UBE2W: variants seen among roughly 807,000 people sequenced by gnomAD.
UBE2W encodes ubiquitin conjugating enzyme E2 W.
In UBE2W, 18 loss-of-function variants were observed where a neutral mutation model predicts 27.2. That is an observed-to-expected ratio of 0.66 (90% CI 0.46 to 0.98). The LOEUF (loss-of-function observed/expected upper bound fraction) is 0.98, where lower values mean the gene tolerates loss of function less well. UBE2W is among the 50% of genes least tolerant of loss of function. UBE2W has a pLI of 0.00. For synonymous variants in UBE2W, 53 were observed against 57.2 expected (o/e 0.93, Z 0.33); for missense variants, 90 against 180.2 (o/e 0.50, Z 2.87).
rs1162712227 is a variant in UBE2W, at chr8:73,805,454, C to CAAAAAAAAAAAAAAAAAAAA, written c.442+196_442+197insTTTTTTTTTTTTTTTTTTTT. 1.7e-3 allele frequency among the ~76,000 whole-genome samples: 25 copies of CAAAAAAAAAAAAAAAAAAAA among 14,572 alleles called. 2 individuals carry two copies. The highest frequency in any genetic ancestry group is 5.6e-3 in the Admixed American group (4 of 718). 9.6% of individuals were successfully genotyped at this position (14,572 alleles called of 152,430 possible). On this transcript the variant is annotated intron_variant, in intron 5 of 5. Coordinates refer to ENST00000602593, the MANE Select transcript of UBE2W (RefSeq NM_018299.6). ...GGGCAACAAGAGCAAAACTCCATCT[C>CAAAAAAAAAAAAAAAAAAAA]AAAAAAAAAAAAAAAAACAAAAAAA...
chr8:73,833,285 T>C (rs528370318), intron 1 of UBE2W, among the ~76,000 whole-genome samples: 1 of 151,416 alleles, frequency 6.6e-6, no homozygotes, highest in East Asian at 1.9e-4. Flanking sequence ...AGTAACCCTT[T>C]ATGCAAAAAG....
intron 5 of UBE2W, among the ~76,000 whole-genome samples, chr8:73,800,226 A>G (rs1808581744): frequency 6.6e-6 from 1 of 152,246 alleles, no homozygotes; most frequent in African/African-American, 2.4e-5. Context: ...TAGTTGGATG[A>G]CAGAACAGCT....
At chr8:73,794,875 A>G (rs1808347263) in intron 5 of UBE2W, among the ~76,000 whole-genome samples, 1 of 150,518 alleles carries the variant, frequency 6.6e-6, no homozygotes, top group African/African-American at 2.4e-5. Flanking sequence ...AAAAAGAAAA[A>G]AAAAAAAAGA....
chr8:73,865,970 A>G (rs145372438), intron 1 of UBE2W, among the ~76,000 whole-genome samples: 15 of 152,226 alleles, frequency 9.9e-5, no homozygotes, highest in African/African-American at 3.6e-4. Context: ...AAAGGCTTAT[A>G]GGTGAACACA....
intron 1 of UBE2W, among the ~76,000 whole-genome samples, chr8:73,875,302 T>C (rs1412775405): frequency 6.6e-6 from 1 of 152,110 alleles, no homozygotes; most frequent in East Asian, 1.9e-4. Flanking sequence ...CATGAGGTGC[T>C]GCCTGCCAGG....
chr8:73,822,002 C>T (rs566370900), intron 3 of UBE2W, among the ~76,000 whole-genome samples: 7 of 152,298 alleles, frequency 4.6e-5, no homozygotes, highest in African/African-American at 1.7e-4. Flanking sequence ...CTATCTTTAA[C>T]CTCCTTGTTA....
intron 1 of UBE2W, among the ~76,000 whole-genome samples, chr8:73,856,093 G>A (rs571742476): frequency 6.6e-6 from 1 of 151,936 alleles, no homozygotes; most frequent in East Asian, 1.9e-4. Context: ...CAACTATAAT[G>A]GTTTAAAATG....
At chr8:73,868,101 G>A (rs1811854602) in intron 1 of UBE2W, among the ~76,000 whole-genome samples, 1 of 152,200 alleles carries the variant, frequency 6.6e-6, no homozygotes, top group African/African-American at 2.4e-5. Context: ...ACTGGTGGCT[G>A]GGGGCTCCTG....
At chr8:73,801,047 G>A (rs977383158) in intron 5 of UBE2W, among the ~76,000 whole-genome samples, 13 of 152,026 alleles carry the variant, frequency 8.6e-5, no homozygotes, top group African/African-American at 1.2e-4. Flanking sequence ...CCAAGATGGC[G>A]CCACTGCACT....
chr8:73,860,735 G>A (rs1041619172), intron 1 of UBE2W, among the ~76,000 whole-genome samples: 2 of 151,948 alleles, frequency 1.3e-5, no homozygotes, highest in South Asian at 2.1e-4. Flanking sequence ...AGAGTGGAGG[G>A]GCTAACTAAA....
intron 1 of UBE2W, among the ~76,000 whole-genome samples, chr8:73,875,062 A>T (rs1360751857): frequency 3.3e-5 from 5 of 152,248 alleles, no homozygotes; most frequent in African/African-American, 1.2e-4. Context: ...GTTTCTTAAA[A>T]CATAATTTAA....
chr8:73,878,096 G>T (rs557432034), intron 1 of UBE2W, among the ~76,000 whole-genome samples: 1 of 152,208 alleles, frequency 6.6e-6, no homozygotes, highest in African/African-American at 2.4e-5. Flanking sequence ...AGGTTTAAGG[G>T]GGCTGAGGAC....
At chr8:73,875,684 G>A (rs976120046) in intron 1 of UBE2W, among the ~76,000 whole-genome samples, 8 of 152,036 alleles carry the variant, frequency 5.3e-5, no homozygotes, top group Non-Finnish European at 8.8e-5. Context: ...TTTCCTAATC[G>A]AAATCCCCAA....
At position 73,830,268 on chromosome 8, in the gene UBE2W, C is replaced by A. The variant is rs1211016237; in HGVS notation, c.107+113G>T. 5 of 742,928 alleles carry A rather than the reference C, an allele frequency of 6.7e-6. No homozygotes were observed. In the Admixed American group the frequency reaches 7.8e-5, roughly 12 times the overall value. 46.0% of individuals were successfully genotyped at this position (742,928 alleles called of 1,614,324 possible). ...GAATAAGATCTGTTTACTCTATTTACCTCTTGGTGAAAGAATGAAATGTGA... is the reference window on the plus strand; with the variant it reads ...GAATAAGATCTGTTTACTCTATTTAACTCTTGGTGAAAGAATGAAATGTGA... On this transcript the variant is annotated intron_variant, in intron 2 of 5. Transcript: ENST00000602593.
chr8:73,878,651 C>T (rs987934514), intron 1 of UBE2W, among the ~76,000 whole-genome samples, 157 bp downstream of exon 1: 1 of 152,300 alleles, frequency 6.6e-6, no homozygotes, highest in African/African-American at 2.4e-5. Context: ...CCGCCTCTTA[C>T]CCCTCCCCCG....
At chr8:73,857,838 A>T (rs1811368978) in intron 1 of UBE2W, among the ~76,000 whole-genome samples, 1 of 151,990 alleles carries the variant, frequency 6.6e-6, no homozygotes, top group East Asian at 1.9e-4. Flanking sequence ...GATAAATAAA[A>T]ATAAAAATAA....
intron 1 of UBE2W, among the ~76,000 whole-genome samples, chr8:73,845,797 A>G (rs1810774455): frequency 6.6e-6 from 1 of 152,142 alleles, no homozygotes; most frequent in Non-Finnish European, 1.5e-5. Flanking sequence ...GAAGGCTACC[A>G]TTTTAAGAAC....
chr8:73,805,462 A>C (rs1181420723), intron 5 of UBE2W, among the ~76,000 whole-genome samples, 189 bp downstream of exon 5: 1 of 132,750 alleles, frequency 7.5e-6, no homozygotes, highest in African/African-American at 2.6e-5. Context: ...CTCAAAAAAA[A>C]AAAAAAAAAC....
chr8:73,819,497 A>C (rs1402160189), intron 3 of UBE2W, among the ~76,000 whole-genome samples: 1 of 152,218 alleles, frequency 6.6e-6, no homozygotes, highest in Non-Finnish European at 1.5e-5. Flanking sequence ...CCCTCTCTCA[A>C]GAAACAGTAT....
Sources: gnomAD v4.1 joint callset for allele counts (sites outside exome capture counted in the v4.1 genomes callset) on GRCh38, gnomAD v4.1.1 for gene constraint, MANE v1.5 for transcripts, NCBI Gene and HGNC (gene_info 2026-07-23, HGNC 2026-07-21) for gene names.